The following MCTP1 variants were observed in gnomAD, a reference collection of about 807,000 sequenced individuals.
The protein encoded by MCTP1 is multiple C2 and transmembrane domain-containing protein 1.
In MCTP1, 69 loss-of-function variants were observed where a neutral mutation model predicts 120.6. The observed-to-expected ratio is 0.57, with a 90% CI of 0.47 to 0.70. The LOEUF is 0.70. Among genes scored for constraint, MCTP1 ranks in the 30% least tolerant of loss-of-function variants. The pLI is 0.00. For synonymous variants in MCTP1, 529 were observed against 493.1 expected, an observed-to-expected ratio of 1.07 and a Z score of -0.96; for missense variants, 1,203 against 1,248.8, an observed-to-expected ratio of 0.96 and a Z score of 0.55.
chr5:94,909,204 A>G, intron 10 of MCTP1, 47 bp downstream of exon 10: 2 of 1,587,304 alleles, frequency 1.3e-6, no homozygotes, highest in South Asian at 1.2e-5. Flanking sequence ...ATATTCTTTT[A>G]ATAAAAATGC....
chr5:95,068,373 C>T (rs544946816), intron 1 of MCTP1, among the ~76,000 whole-genome samples: 8 of 152,262 alleles, frequency 5.3e-5, no homozygotes, highest in Middle Eastern at 6.8e-3. Flanking sequence ...GGGTAAAATA[C>T]TTAATTCCAA....
At chr5:94,898,485 A>G (rs1804677339) in intron 10 of MCTP1, among the ~76,000 whole-genome samples, 1 of 152,214 alleles carries the variant, frequency 6.6e-6, no homozygotes, top group Non-Finnish European at 1.5e-5. Flanking sequence ...ATGTTCAAGG[A>G]TGGAACTCTT....
chr5:94,845,697 C>T (rs550569328), intron 17 of MCTP1, among the ~76,000 whole-genome samples: 5 of 152,112 alleles, frequency 3.3e-5, no homozygotes, highest in East Asian at 1.9e-4. Context: ...GGTACAGGTA[C>T]GCACCACCAT....
chr5:94,926,695 T>G (rs898968403), intron 6 of MCTP1, among the ~76,000 whole-genome samples: 4 of 152,214 alleles, frequency 2.6e-5, no homozygotes, highest in Non-Finnish European at 5.9e-5. Flanking sequence ...CATCTATCTT[T>G]CTTGTTAAAT....
intron 12 of MCTP1, chr5:94,877,853 C>T (rs551120249): frequency 1.3e-5 from 2 of 152,256 alleles, no homozygotes; most frequent in East Asian, 3.9e-4. Flanking sequence ...AATCCTGATC[C>T]ATCAGTGGTG....
intron 1 of MCTP1, among the ~76,000 whole-genome samples, chr5:95,228,855 C>T (rs1754599883): frequency 6.6e-6 from 1 of 152,156 alleles, no homozygotes; most frequent in Non-Finnish European, 1.5e-5. Context: ...TCCCTCTTCG[C>T]CTTCTGCTAT....
At position 95,284,004 on chromosome 5, in the gene MCTP1, GC is replaced by G; in HGVS notation, c.571del (p.Ala191ArgfsTer52). Reference protein sequence around the residue: ...DEGARRQGPGAHLCHQKSSSL... With the variant: ...DEGARRQGPGXHLCHQKSSSL... ...GGAGCTCTTCTGGTGGCACAAGTGC[GC>G]CCCGGGGCCCTGACGCCGTGCACCC... On this transcript the variant is annotated frameshift_variant, in exon 1 of 23. Transcript: ENST00000515393. LOFTEE classifies it high-confidence loss of function. This position sits in a 1 kb window ranked among gnomAD's most constrained non-coding sequence, Gnocchi z 5.2. 1 of 1,470,740 alleles carries G rather than the reference GC, an allele frequency of 6.8e-7. No homozygotes were observed. The highest frequency in any genetic ancestry group is 9.0e-7 in the Non-Finnish European group (1 of 1,114,480). 91.1% of individuals were successfully genotyped at this position (1,470,740 alleles called of 1,614,324 possible).
chr5:95,183,736 T>TC (rs1434273044), intron 1 of MCTP1, among the ~76,000 whole-genome samples: 1 of 152,076 alleles, frequency 6.6e-6, no homozygotes, highest in African/African-American at 2.4e-5. Flanking sequence ...TAAAAGGATG[T>TC]CCACCTTCAT....
At chr5:95,211,837 G>C (rs1752417614) in intron 1 of MCTP1, among the ~76,000 whole-genome samples, 2 of 152,166 alleles carry the variant, frequency 1.3e-5, no homozygotes, top group Non-Finnish European at 2.9e-5. Flanking sequence ...TGATGGTGAT[G>C]TACAGATGGA....
At chr5:95,110,093 C>A (rs1464113820) in intron 1 of MCTP1, among the ~76,000 whole-genome samples, 1 of 151,820 alleles carries the variant, frequency 6.6e-6, no homozygotes, top group Non-Finnish European at 1.5e-5. Context: ...AACAACACAG[C>A]CTTGCAAAAC....
chr5:94,959,284 G>A (rs1051720241), intron 2 of MCTP1, among the ~76,000 whole-genome samples: 4 of 152,040 alleles, frequency 2.6e-5, no homozygotes, highest in Admixed American at 2.0e-4. Flanking sequence ...AATAATAAGA[G>A]ATATTTATGA....
intron 19 of MCTP1, among the ~76,000 whole-genome samples, chr5:94,734,521 ATC>A (rs537615030): frequency 1.2e-4 from 18 of 152,336 alleles, no homozygotes; most frequent in Admixed American, 3.3e-4. Flanking sequence ...CTGATCTGGA[ATC>A]TGTTATATTG....
At chr5:94,841,251 A>G (rs1471688140) in intron 17 of MCTP1, among the ~76,000 whole-genome samples, 3 of 152,230 alleles carry the variant, frequency 2.0e-5, no homozygotes, top group Non-Finnish European at 2.9e-5. Context: ...GGTGTTGCCA[A>G]GAAAGTACTT....
At chr5:94,981,664 T>C (rs1829444783) in intron 2 of MCTP1, among the ~76,000 whole-genome samples, 1 of 152,022 alleles carries the variant, frequency 6.6e-6, no homozygotes, top group Non-Finnish European at 1.5e-5. Context: ...GTCAGAGGGT[T>C]TGCTATTTTG....
chr5:94,759,836 G>A (rs1580523054), intron 19 of MCTP1, among the ~76,000 whole-genome samples: 1 of 135,382 alleles, frequency 7.4e-6, no homozygotes. Flanking sequence ...CCTAATAAAT[G>A]TACCTAATGC....
chr5:94,781,397 T>G (rs1335576993), intron 18 of MCTP1, among the ~76,000 whole-genome samples: 1 of 152,052 alleles, frequency 6.6e-6, no homozygotes, highest in Non-Finnish European at 1.5e-5. Context: ...AGTGAACAGG[T>G]GAATGCATCA....
chr5:94,833,945 ACATCAAATTTGAAAGG>A (rs1789124451), intron 17 of MCTP1, among the ~76,000 whole-genome samples: 1 of 152,244 alleles, frequency 6.6e-6, no homozygotes. Flanking sequence ...TCAGGGAAAG[ACATCAAATTTGAAAGG>A]CATCAATACT....
At chr5:94,791,297 C>CA (rs879859758) in intron 18 of MCTP1, among the ~76,000 whole-genome samples, 324 of 139,770 alleles carry the variant, frequency 2.3e-3, no homozygotes, top group East Asian at 5.4e-3. Flanking sequence ...GACTCTGTTT[C>CA]AAAAAAAAAA....
chr5:94,844,394 G>T (rs1006478190), intron 17 of MCTP1, among the ~76,000 whole-genome samples: 1 of 151,824 alleles, frequency 6.6e-6, no homozygotes, highest in South Asian at 2.1e-4. Context: ...AACTGACAAG[G>T]CTTTCCATTT....
Sources: allele counts gnomAD v4.1 joint callset (sites outside exome capture counted in the v4.1 genomes callset), GRCh38; gene constraint gnomAD v4.1.1; non-coding constraint Gnocchi (gnomAD v3.1); transcripts MANE v1.5; gene names NCBI Gene and HGNC (gene_info 2026-07-23, HGNC 2026-07-21).